TRPM1: variants seen among roughly 807,000 people sequenced by gnomAD.
TRPM1 encodes the protein transient receptor potential cation channel subfamily M member 1.
TRPM1 carries 113 observed loss-of-function variants against 149.4 expected under a neutral mutation model. That is an observed-to-expected ratio of 0.76 (90% CI 0.65 to 0.88). The LOEUF is 0.88. Among genes scored for constraint, TRPM1 ranks in the 40% least tolerant of loss-of-function variants. The pLI is 0.00. For synonymous variants in TRPM1, 741 were observed against 759.5 expected, an observed-to-expected ratio of 0.98 and a Z score of 0.40; for missense variants, 1,976 against 2,038.7, an observed-to-expected ratio of 0.97 and a Z score of 0.59.
chr15:31,160,843 G>A (rs1218189813), intron 1 of TRPM1: 41 of 1,505,624 alleles, frequency 2.7e-5, no homozygotes, highest in Non-Finnish European at 3.5e-5. Flanking sequence ...GACAGAGCTG[G>A]AGACCAGTGT....
intron 11 of TRPM1, among the ~76,000 whole-genome samples, chr15:31,051,020 G>T (rs1470215768): frequency 6.6e-6 from 1 of 152,202 alleles, no homozygotes; most frequent in East Asian, 1.9e-4. Flanking sequence ...GATTGTGAAG[G>T]GGGTACAAGA....
At chr15:31,085,165 G>A (rs1490212944) in intron 1 of TRPM1, among the ~76,000 whole-genome samples, 1 of 152,112 alleles carries the variant, frequency 6.6e-6, no homozygotes, top group Non-Finnish European at 1.5e-5. Flanking sequence ...TTAAAAAAGA[G>A]AAAAAGGAGA....
At chr15:31,094,765 G>C (rs988882600) in intron 1 of TRPM1, among the ~76,000 whole-genome samples, 10 of 152,228 alleles carry the variant, frequency 6.6e-5, no homozygotes, top group African/African-American at 2.4e-4. Context: ...GGAACCTTCA[G>C]ACATTGCTGG....
chr15:31,062,476 A>C, intron 9 of TRPM1, 103 bp downstream of exon 9: 1 of 1,474,730 alleles, frequency 6.8e-7, no homozygotes. Flanking sequence ...AAAAGGCCGG[A>C]CTAAAATATG....
At chr15:31,139,714 A>C (rs1025213236) in intron 1 of TRPM1, among the ~76,000 whole-genome samples, 1 of 152,236 alleles carries the variant, frequency 6.6e-6, no homozygotes, top group Non-Finnish European at 1.5e-5. Context: ...AATGTATTGA[A>C]CTTTAGCATT....
At chr15:31,130,272 C>A (rs2036000311) in intron 1 of TRPM1, among the ~76,000 whole-genome samples, 1 of 152,210 alleles carries the variant, frequency 6.6e-6, no homozygotes, top group African/African-American at 2.4e-5. Flanking sequence ...CATAAAACCA[C>A]CTTTGCAAAA....
chr15:31,138,525 G>A (rs140277209), intron 1 of TRPM1, among the ~76,000 whole-genome samples: 18 of 151,644 alleles, frequency 1.2e-4, no homozygotes, highest in South Asian at 6.3e-4. Flanking sequence ...GGGCTGTGTC[G>A]CGAAGTCAGT....
chr15:31,078,261 G>C (rs535758202), intron 2 of TRPM1, among the ~76,000 whole-genome samples: 2 of 152,208 alleles, frequency 1.3e-5, no homozygotes, highest in South Asian at 4.2e-4. Context: ...CTCTGGGGAG[G>C]TCACCTCTGC....
At chr15:31,064,897 G>A in intron 7 of TRPM1, 1 of 419,178 alleles carries the variant, frequency 2.4e-6, no homozygotes, top group Non-Finnish European at 4.9e-6. Context: ...AGATATCCTG[G>A]ACTCCGCCTT....
At chr15:31,127,231 A>C (rs1162910398) in intron 1 of TRPM1, among the ~76,000 whole-genome samples, 3 of 152,144 alleles carry the variant, frequency 2.0e-5, no homozygotes, top group African/African-American at 7.2e-5. Context: ...GGCATCTCCA[A>C]GGATGCCCAG....
intron 27 of TRPM1, among the ~76,000 whole-genome samples, chr15:31,016,042 C>T (rs958134606): frequency 6.6e-6 from 1 of 152,144 alleles, no homozygotes; most frequent in Non-Finnish European, 1.5e-5. Context: ...TTTCAGCTAC[C>T]TCTGATGTTT....
chr15:31,055,928 A>C (rs573474318), intron 11 of TRPM1, among the ~76,000 whole-genome samples: 4 of 152,254 alleles, frequency 2.6e-5, no homozygotes, highest in Non-Finnish European at 5.9e-5. Flanking sequence ...GAAAATAGAG[A>C]TAATCTAGGG....
At chr15:31,152,245 G>A (rs749643288) in intron 1 of TRPM1, among the ~76,000 whole-genome samples, 2 of 152,244 alleles carry the variant, frequency 1.3e-5, no homozygotes, top group Non-Finnish European at 2.9e-5. Context: ...TGGGTCTGAA[G>A]TGCCCCCCAA....
At chr15:31,110,909 C>A (rs112667621) in intron 1 of TRPM1, among the ~76,000 whole-genome samples, 4 of 150,656 alleles carry the variant, frequency 2.7e-5, no homozygotes, top group African/African-American at 4.9e-5. Flanking sequence ...CTCTCCCCCC[C>A]CTTCCCTCCC....
chr15:31,113,735 T>C (rs2035751421), intron 1 of TRPM1, among the ~76,000 whole-genome samples: 1 of 152,192 alleles, frequency 6.6e-6, no homozygotes, highest in African/African-American at 2.4e-5. Context: ...CCCACCGCCT[T>C]TAAGAATGAA....
chr15:31,093,658 G>A (rs1162687614), intron 1 of TRPM1, among the ~76,000 whole-genome samples: 2 of 151,946 alleles, frequency 1.3e-5, no homozygotes, highest in Non-Finnish European at 2.9e-5. Flanking sequence ...CTGGAGTGCA[G>A]TGGCATGATC....
intron 5 of TRPM1, among the ~76,000 whole-genome samples, 195 bp from the exon 6 acceptor site, chr15:31,067,382 G>A (rs939931370): frequency 2.6e-5 from 4 of 152,160 alleles, no homozygotes; most frequent in African/African-American, 9.7e-5. Context: ...ATTAACTCTA[G>A]AAACGGGAAA....
chr15:31,104,569 G>A (rs1438144447), upstream of TRPM1, among the ~76,000 whole-genome samples: 2 of 148,648 alleles, frequency 1.3e-5, no homozygotes, highest in Admixed American at 1.3e-4. Context: ...CCTAGGACTT[G>A]CAAAATGGTG....
chr15:31,060,883 A>G (rs2034214102), intron 10 of TRPM1, among the ~76,000 whole-genome samples: 1 of 152,190 alleles, frequency 6.6e-6, no homozygotes, highest in Non-Finnish European at 1.5e-5. Flanking sequence ...GAGGGACAGA[A>G]CAGGAACCCA....
Sources: allele counts gnomAD v4.1 joint callset (sites outside exome capture counted in the v4.1 genomes callset), GRCh38; gene constraint gnomAD v4.1.1; transcripts MANE v1.5; gene names NCBI Gene and HGNC (gene_info 2026-07-23, HGNC 2026-07-21).